XKR4: variants seen among roughly 807,000 people sequenced by gnomAD.
XKR4 encodes XK-related protein 4.
Under a neutral mutation model 53.9 loss-of-function variants are expected in XKR4, and 12 were observed. The ratio of observed to expected loss-of-function variants is 0.22; its 90% confidence interval spans 0.14 to 0.36. XKR4 has a LOEUF of 0.36. Among genes scored for constraint, XKR4 ranks in the 10% least tolerant of loss-of-function variants. XKR4 has a pLI of 1.00. For synonymous variants in XKR4, 354 were observed against 362.4 expected (o/e 0.98, Z 0.26); for missense variants, 799 against 859.5 (o/e 0.93, Z 0.88).
intron 2 of XKR4, among the ~76,000 whole-genome samples, chr8:55,372,568 A>G (rs1228079121): frequency 6.6e-6 from 1 of 150,848 alleles, no homozygotes; most frequent in Non-Finnish European, 1.5e-5. Flanking sequence ...TTTTTTCTAG[A>G]AAGCCACAGA....
At chr8:55,305,519 A>C (rs572911930) in intron 1 of XKR4, among the ~76,000 whole-genome samples, 1 of 152,290 alleles carries the variant, frequency 6.6e-6, no homozygotes, top group East Asian at 1.9e-4. Context: ...AAGGCAGAAG[A>C]TTCAGTCAAG....
At position 55,159,935 on chromosome 8, in the gene XKR4, A is replaced by G. The variant is rs193061950; in HGVS notation, c.806+56641A>G. ...TGATGCTAGGGATGGTTCTTCTCTG[A>G]TCACTTCTTGTCATGAGATTATTGG... is the stretch of plus-strand genomic sequence containing the variant. On this transcript the variant is annotated intron_variant, in intron 1 of 2. Transcript: ENST00000327381. 3.7e-3 allele frequency among the ~76,000 whole-genome samples: 568 copies of G among 152,316 alleles called. 3 individuals carry two copies. Among genetic ancestry groups the G allele is most frequent in the Admixed American group, 7.9e-3 (121 of 15,290 alleles).
chr8:55,289,569 G>GAA (rs1227846296), intron 1 of XKR4, among the ~76,000 whole-genome samples: 2 of 74,464 alleles, frequency 2.7e-5, no homozygotes, highest in African/African-American at 9.4e-5. Flanking sequence ...AGGAAGGAAG[G>GAA]AGAGAGAAAG....
rs1477101794 is a variant in XKR4 at position 55,454,225 on chromosome 8, G to A, written c.1007-69056G>A. The A allele has an allele frequency of 8.1e-6, 9 of 1,109,048 alleles. No homozygotes were observed. In the Admixed American group the frequency reaches 1.0e-4, roughly 13 times the overall value. 68.7% of individuals were successfully genotyped at this position (1,109,048 alleles called of 1,614,324 possible). A position where few individuals can be genotyped will look rare whatever the true frequency, so the allele number is the denominator to read the frequency against. The stretch of plus-strand genomic sequence containing the variant: ...AGGGTGGAATGTGCACACACTCAGG[G>A]ATGGTCACCGTCTCTCCATCCAGAT... On this transcript the variant is annotated intron_variant, in intron 2 of 2. Coordinates refer to ENST00000327381, the MANE Select transcript of XKR4 (RefSeq NM_052898.2).
intron 1 of XKR4, chr8:55,164,546 A>T (rs886391595): frequency 2.3e-6 from 1 of 430,958 alleles, no homozygotes; most frequent in East Asian, 7.2e-5. Context: ...TTCTTTTTAC[A>T]TTGAGGGTAG....
intron 2 of XKR4, among the ~76,000 whole-genome samples, chr8:55,376,849 T>C (rs1237983059): frequency 1.3e-5 from 2 of 152,006 alleles, no homozygotes; most frequent in African/African-American, 4.8e-5. Context: ...AGTCATTATA[T>C]TTCTTTCTAT....
Position 55,121,833 on chromosome 8 carries a change from T to TACAC in XKR4, c.806+18566_806+18569dup, listed in dbSNP as rs35625262. 4.8e-3 allele frequency among the ~76,000 whole-genome samples: 711 copies of TACAC among 148,808 alleles called. 8 individuals are homozygous for TACAC. The highest frequency in any genetic ancestry group is 0.017 in the African/African-American group (672 of 40,430). On this transcript the variant is annotated intron_variant, in intron 1 of 2. Transcript: ENST00000327381. ...AAAAGGCACGGCACAAATACAACATTACACACACACACACACACACACACA... is the reference window on the plus strand; with the variant it reads ...AAAAGGCACGGCACAAATACAACATTACACACACACACACACACACACACACACA...
At position 55,263,421 on chromosome 8, in the gene XKR4, A is replaced by G. The variant is rs367549623; in HGVS notation, c.807-94257A>G. ...TGTGTGATCTGATGCCATTCTTCTCATTCTCTTCCCTGCACTTTTCCTTAG... is the reference window on the plus strand; with the variant it reads ...TGTGTGATCTGATGCCATTCTTCTCGTTCTCTTCCCTGCACTTTTCCTTAG... On this transcript the variant is annotated intron_variant, in intron 1 of 2. Coordinates refer to ENST00000327381, the MANE Select transcript of XKR4 (RefSeq NM_052898.2). Among the ~76,000 whole-genome samples the G allele has an allele frequency of 4.9e-4, 75 of 152,256 alleles. No individual in the cohort carries two copies. In the South Asian group the frequency reaches 0.013, roughly 26 times the overall value.
chr8:55,439,467 A>T (rs1403354844), intron 2 of XKR4, among the ~76,000 whole-genome samples: 3 of 152,206 alleles, frequency 2.0e-5, no homozygotes, highest in East Asian at 1.9e-4. Context: ...TTAGATTCAA[A>T]TATAAAATAA....
chr8:55,470,261 G>T (rs1055925917), intron 2 of XKR4, among the ~76,000 whole-genome samples: 1 of 152,112 alleles, frequency 6.6e-6, no homozygotes, highest in Non-Finnish European at 1.5e-5. Flanking sequence ...ACAAGACGAG[G>T]TGATATGGTT....
chr8:55,436,507 T>G (rs983554145), intron 2 of XKR4, among the ~76,000 whole-genome samples: 3 of 152,232 alleles, frequency 2.0e-5, no homozygotes, highest in Non-Finnish European at 2.9e-5. Flanking sequence ...TGTGTTCAGG[T>G]TTGACCTCAG....
At chr8:55,481,566 G>T (rs944150823) in intron 2 of XKR4, among the ~76,000 whole-genome samples, 6 of 152,112 alleles carry the variant, frequency 3.9e-5, no homozygotes, top group African/African-American at 1.2e-4. Flanking sequence ...AAACTAAAGA[G>T]CTTCTGCACA....
chr8:55,511,274 A>G (rs1806621567), intron 2 of XKR4, among the ~76,000 whole-genome samples: 1 of 152,148 alleles, frequency 6.6e-6, no homozygotes, highest in African/African-American at 2.4e-5. Context: ...AGAGAAAGCT[A>G]CTGTGTGTAA....
intron 1 of XKR4, among the ~76,000 whole-genome samples, chr8:55,223,186 A>G (rs1817906376): frequency 6.6e-6 from 1 of 152,252 alleles, no homozygotes; most frequent in Non-Finnish European, 1.5e-5. Context: ...TATGTCTGTC[A>G]TTCTTGCAAC....
At chr8:55,235,316 A>G (rs960333585) in intron 1 of XKR4, among the ~76,000 whole-genome samples, 2 of 152,130 alleles carry the variant, frequency 1.3e-5, no homozygotes, top group Non-Finnish European at 2.9e-5. Context: ...CAAAAACCCT[A>G]TTTTCAAATA....
intron 2 of XKR4, among the ~76,000 whole-genome samples, chr8:55,475,961 G>C (rs1805978164): frequency 6.6e-6 from 1 of 151,848 alleles, no homozygotes; most frequent in South Asian, 2.1e-4. Context: ...GCTTGGGCTG[G>C]TCTTGAACTC....
chr8:55,505,458 G>A (rs1422490967), intron 2 of XKR4, among the ~76,000 whole-genome samples: 1 of 152,134 alleles, frequency 6.6e-6, no homozygotes, highest in Non-Finnish European at 1.5e-5. Context: ...AGCTGATATA[G>A]GAGGATCCCT....
intron 2 of XKR4, among the ~76,000 whole-genome samples, chr8:55,501,102 T>C (rs2129403475): frequency 6.6e-6 from 1 of 152,264 alleles, no homozygotes; most frequent in East Asian, 1.9e-4. Flanking sequence ...TTGTGGCAGA[T>C]TGGAGGGACT....
chr8:55,133,690 G>A (rs568624799), intron 1 of XKR4, among the ~76,000 whole-genome samples: 132 of 152,322 alleles, frequency 8.7e-4, no homozygotes, highest in Non-Finnish European at 1.7e-3. Flanking sequence ...CTGAGAATGT[G>A]CTAACTAGCC....
Sources: gnomAD v4.1 joint callset for allele counts (sites outside exome capture counted in the v4.1 genomes callset) on GRCh38, gnomAD v4.1.1 for gene constraint, MANE v1.5 for transcripts, NCBI Gene and HGNC (gene_info 2026-07-23, HGNC 2026-07-21) for gene names.